Variants in MYO16 observed in about 807,000 individuals in gnomAD.
The protein encoded by MYO16 is unconventional myosin-XVI.
A neutral mutation model predicts 205.3 loss-of-function variants in MYO16; 94 were observed. The ratio of observed to expected loss-of-function variants is 0.46; its 90% CI spans 0.39 to 0.54. The LOEUF is 0.54. MYO16 is among the 20% of genes least tolerant of loss of function. The pLI is 0.00. For missense variants in MYO16, 2,315 were observed against 2,387.5 expected, an observed-to-expected ratio of 0.97 and a Z score of 0.63; for synonymous variants, 988 against 954.0, an observed-to-expected ratio of 1.04 and a Z score of -0.66.
intron 12 of MYO16, among the ~76,000 whole-genome samples, chr13:108,867,896 G>C (rs543189814): frequency 1.3e-5 from 2 of 152,206 alleles, no homozygotes; most frequent in South Asian, 4.1e-4. Context: ...AACTTTATAT[G>C]GGTGAAATCT....
intron 32 of MYO16, among the ~76,000 whole-genome samples, chr13:109,160,731 C>T (rs943432210): frequency 1.3e-5 from 2 of 152,208 alleles, no homozygotes; most frequent in African/African-American, 4.8e-5. Context: ...ATTCTCAGAA[C>T]CCTGCTGGCC....
Position 109,207,013 on chromosome 13 carries a change from TGTGTGTGTGG to T in MYO16, c.*180_*189del. The T allele has an allele frequency of 3.7e-6, 2 of 540,098 alleles. No individual in the cohort carries two copies. Among genetic ancestry groups the T allele is most frequent in the Non-Finnish European group, 6.6e-6 (2 of 304,362 alleles). 33.5% of individuals were successfully genotyped at this position (540,098 alleles called of 1,614,324 possible). On this transcript the variant is annotated 3_prime_UTR_variant, in exon 35 of 35. Coordinates refer to ENST00000457511, the MANE Select transcript of MYO16 (RefSeq NM_001198950.3). Reference sequence around the variant, plus strand: ...GTGTGTGTGTGTGTGTGTTTGTGTGTGTGTGTGTGGGTTCTTTCTTATCCATCTCGTGGTG... The same window carrying T: ...GTGTGTGTGTGTGTGTGTTTGTGTGTGTTCTTTCTTATCCATCTCGTGGTG...
At chr13:108,669,071 C>T (rs1594193347) in intron 2 of MYO16, among the ~76,000 whole-genome samples, 1 of 151,954 alleles carries the variant, frequency 6.6e-6, no homozygotes, top group African/African-American at 2.4e-5. Context: ...TACCGAAAAC[C>T]CCAAAAGTGG....
At chr13:108,793,317 A>G (rs12584005) in intron 5 of MYO16, among the ~76,000 whole-genome samples, 199 bp from the exon 6 acceptor site, 5,070 of 151,992 alleles carry the variant, frequency 0.033, 251 homozygotes, top group East Asian at 0.24. Flanking sequence ...ATAACAAGAG[A>G]TAATTTTATA....
intron 2 of MYO16, among the ~76,000 whole-genome samples, chr13:108,691,463 GAGAA>G (rs1456573491): frequency 3.3e-5 from 5 of 151,866 alleles, no homozygotes; most frequent in African/African-American, 1.2e-4. Context: ...GAAAGAGAGA[GAGAA>G]AGAGTGAGAT....
chr13:109,073,894 T>A (rs1197891340), intron 27 of MYO16, among the ~76,000 whole-genome samples: 2 of 152,212 alleles, frequency 1.3e-5, no homozygotes, highest in African/African-American at 4.8e-5. Context: ...TGAGCTACGC[T>A]GTGATTCCTG....
chr13:108,785,054 T>C lies in MYO16; in HGVS notation c.508-581T>C, dbSNP rs568297013. ...GGCCATATTTAATACAGTCAGCCCATTGAGATTTACAGATCATGCCTTTTG... is the reference window on the plus strand; with the variant it reads ...GGCCATATTTAATACAGTCAGCCCACTGAGATTTACAGATCATGCCTTTTG... On this transcript the variant is annotated intron_variant, in intron 4 of 34. Coordinates refer to ENST00000457511, the MANE Select transcript of MYO16 (RefSeq NM_001198950.3). 2.2e-4 allele frequency among the ~76,000 whole-genome samples: 33 copies of C among 152,282 alleles called. 1 individual carries two copies. The East Asian group carries it at 3.7e-3, about 17-fold the overall frequency.
chr13:108,758,873 A>G (rs1885507236), intron 4 of MYO16, among the ~76,000 whole-genome samples: 1 of 152,238 alleles, frequency 6.6e-6, no homozygotes, highest in Admixed American at 6.5e-5. Context: ...GACATTCCTG[A>G]TGTATGATTT....
At position 108,910,162 on chromosome 13, in the gene MYO16, A is replaced by C. The variant is rs1399167120; in HGVS notation, c.1925+12A>C. On this transcript the variant is annotated intron_variant, in intron 16 of 34. Coordinates refer to ENST00000457511, the MANE Select transcript of MYO16 (RefSeq NM_001198950.3). ...TTATGTGCACACCGGTGAGTGACTA[A>C]GTATTTTGTATCTAAAAGCTATGCC... 1.2e-6 allele frequency: 2 copies of C among 1,606,780 alleles called. No individual in the cohort carries two copies. The highest frequency in any genetic ancestry group is 1.3e-5 in the African/African-American group (1 of 74,628).
At chr13:109,179,698 T>G in intron 34 of MYO16, 65 bp downstream of exon 34, 1 of 1,305,054 alleles carries the variant, frequency 7.7e-7, no homozygotes, top group East Asian at 2.3e-5. Context: ...AAGGCATTCA[T>G]TAACTTGTTA....
intron 22 of MYO16, among the ~76,000 whole-genome samples, chr13:109,010,382 AAC>A: frequency 6.6e-6 from 1 of 152,332 alleles, no homozygotes; most frequent in East Asian, 1.9e-4. Context: ...CAGAAAACAT[AAC>A]ACACAAGATT....
In MYO16 at chr13:109,189,704, C is replaced by CTTT. The variant is rs746744746; in HGVS notation, c.5415+10073_5415+10075dup. 8.6e-4 allele frequency among the ~76,000 whole-genome samples: 131 copies of CTTT among 152,274 alleles called. 1 individual carries two copies. Among genetic ancestry groups the CTTT allele is most frequent in the Middle Eastern group, 6.8e-3 (2 of 294 alleles). On this transcript the variant is annotated intron_variant, in intron 34 of 34. Transcript: ENST00000457511. ...AAAAATAGTGGGGAAAAAAAATCGT[C>CTTT]TTTTATGCTAACTCAATATTTACAA...
rs566137779 is a variant in MYO16, at chr13:109,113,706, A to T, written c.3439-6664A>T. Among the ~76,000 whole-genome samples, 4 of 152,260 alleles carry T rather than the reference A, an allele frequency of 2.6e-5. No homozygotes were observed. In the South Asian group the frequency reaches 8.3e-4, roughly 32 times the overall value. On this transcript the variant is annotated intron_variant, in intron 28 of 34. Coordinates refer to ENST00000457511, the MANE Select transcript of MYO16 (RefSeq NM_001198950.3). ...GGGTTCTGGCTTGGGTGATGAGGTGATGACGACTCCATTAGCCTAGAAAGG... is the reference window on the plus strand; with the variant it reads ...GGGTTCTGGCTTGGGTGATGAGGTGTTGACGACTCCATTAGCCTAGAAAGG...
intron 9 of MYO16, among the ~76,000 whole-genome samples, chr13:108,836,071 A>T (rs1173448549): frequency 6.6e-6 from 1 of 152,124 alleles, no homozygotes; most frequent in Non-Finnish European, 1.5e-5. Flanking sequence ...CTCTCATCAC[A>T]GGCCAGGAAG....
At chr13:108,563,649 T>G in the MYO16 span, among the ~76,000 whole-genome samples, 1 of 152,196 alleles carries the variant, frequency 6.6e-6, no homozygotes, top group Non-Finnish European at 1.5e-5. Flanking sequence ...CTTCCATCCA[T>G]GTTGTTGCAA....
chr13:108,713,748 G>A (rs1883815099), intron 3 of MYO16, among the ~76,000 whole-genome samples: 1 of 152,194 alleles, frequency 6.6e-6, no homozygotes, highest in South Asian at 2.1e-4. Flanking sequence ...AAAGAACAGA[G>A]AATATTGTGA....
At chr13:108,647,230 C>T (rs1455480365) in intron 1 of MYO16, among the ~76,000 whole-genome samples, 2 of 152,094 alleles carry the variant, frequency 1.3e-5, no homozygotes, top group South Asian at 2.1e-4. Context: ...CTATCATTTA[C>T]CCCGGCATTG....
chr13:108,915,777 G>A (rs191366173), intron 16 of MYO16, among the ~76,000 whole-genome samples: 239 of 152,260 alleles, frequency 1.6e-3, no homozygotes, highest in African/African-American at 5.4e-3. Context: ...GATAACATTT[G>A]TGAGTAAAGG....
intron 20 of MYO16, among the ~76,000 whole-genome samples, chr13:108,975,188 TTG>T (rs201165456): frequency 0.047 from 6,915 of 148,174 alleles, 279 homozygotes; most frequent in African/African-American, 0.12. Context: ...GATACTGTTT[TTG>T]TTTTTTTTTT....
Sources: gnomAD v4.1 joint callset for allele counts (sites outside exome capture counted in the v4.1 genomes callset) on GRCh38, gnomAD v4.1.1 for gene constraint, MANE v1.5 for transcripts, NCBI Gene and HGNC (gene_info 2026-07-23, HGNC 2026-07-21) for gene names.